Variants in PDE1A observed in about 807,000 individuals in gnomAD.
The protein encoded by PDE1A is phosphodiesterase 1A.
A neutral mutation model predicts 61.7 loss-of-function variants in PDE1A; 35 were observed. The ratio of observed to expected loss-of-function variants is 0.57; its 90% CI spans 0.43 to 0.75. The LOEUF (loss-of-function observed/expected upper bound fraction) is 0.75, where lower values mean the gene tolerates loss of function less well. Ranked by LOEUF, PDE1A falls within the 30% of genes least tolerant of loss-of-function variation. The pLI is 0.00. For missense variants in PDE1A, 597 were observed against 630.6 expected, an observed-to-expected ratio of 0.95 and a Z score of 0.57; for synonymous variants, 232 against 213.2, an observed-to-expected ratio of 1.09 and a Z score of -0.77.
At chr2:182,481,533 T>G (rs1687702301) in intron 2 of PDE1A, among the ~76,000 whole-genome samples, 1 of 151,922 alleles carries the variant, frequency 6.6e-6, no homozygotes, top group Non-Finnish European at 1.5e-5. Flanking sequence ...TAACTCAAAA[T>G]GGTAATGACT....
rs537403182 is a variant in PDE1A at position 182,153,620 on chromosome 2, T to C, written c.1517-6468A>G. Among the ~76,000 whole-genome samples, 9 of 152,256 alleles carry C rather than the reference T, an allele frequency of 5.9e-5. No individual in the cohort carries two copies. The East Asian group carries it at 1.7e-3, about 29-fold the overall frequency. On this transcript the variant is annotated intron_variant, in intron 13 of 13. Transcript: ENST00000409365. ...GATGATAAGAATGCACAGGCATTGA[T>C]TGAAGGTAGAGAAGTTGGGGGTGGC...
At chr2:182,294,949 G>A (rs1694775005) in intron 1 of PDE1A, among the ~76,000 whole-genome samples, 1 of 151,680 alleles carries the variant, frequency 6.6e-6, no homozygotes, top group Non-Finnish European at 1.5e-5. Context: ...GAGAAGGATA[G>A]GTAGTGCCCA....
the PDE1A span, among the ~76,000 whole-genome samples, chr2:182,632,010 TC>T: frequency 4.6e-5 from 7 of 152,228 alleles, no homozygotes; most frequent in Non-Finnish European, 1.0e-4. Flanking sequence ...ACTTTCTTTT[TC>T]CCTTTTTCAT....
chr2:182,482,580 C>A (rs887991508), intron 2 of PDE1A, among the ~76,000 whole-genome samples: 2 of 151,872 alleles, frequency 1.3e-5, no homozygotes, highest in Non-Finnish European at 1.5e-5. Context: ...ATCTAGAAAT[C>A]AACCACGGGC....
chr2:182,440,277 G>A (rs114475004), intron 2 of PDE1A, among the ~76,000 whole-genome samples: 262 of 152,044 alleles, frequency 1.7e-3, no homozygotes, highest in South Asian at 4.6e-3. Flanking sequence ...TGTTTCATTG[G>A]CTCAAAATGG....
At position 182,508,075 on chromosome 2, in the gene PDE1A, A is replaced by G. The variant is rs187182356; in HGVS notation, c.101+14201T>C. 2.6e-4 allele frequency among the ~76,000 whole-genome samples: 39 copies of G among 152,314 alleles called. 1 individual carries two copies. The East Asian group carries it at 7.3e-3, about 29-fold the overall frequency. On this transcript the variant is annotated intron_variant, in intron 2 of 14. Transcript: ENST00000410103. The stretch of plus-strand genomic sequence containing the variant: ...ACAAGAATAGAGTAGTAGCTTAAGC[A>G]AAAATAAAGTACCTAGATTTAATGG...
intron 2 of PDE1A, among the ~76,000 whole-genome samples, chr2:182,252,997 T>C (rs923584969): frequency 6.6e-6 from 1 of 152,232 alleles, no homozygotes; most frequent in African/African-American, 2.4e-5. Context: ...ACTTGATACT[T>C]GCTCAAGAAA....
the PDE1A span, among the ~76,000 whole-genome samples, chr2:182,636,881 G>C: frequency 2.9e-3 from 439 of 152,286 alleles, 1 homozygote; most frequent in African/African-American, 0.01. Flanking sequence ...CTGGCTGTCA[G>C]CAGGGGGCTG....
At chr2:182,705,714 A>C in the PDE1A span, among the ~76,000 whole-genome samples, 1 of 152,154 alleles carries the variant, frequency 6.6e-6, no homozygotes, top group Non-Finnish European at 1.5e-5. Flanking sequence ...AGGTTTTGCC[A>C]GGTTGACAAG....
intron 2 of PDE1A, among the ~76,000 whole-genome samples, chr2:182,259,868 T>C (rs73977325): frequency 0.048 from 7,278 of 152,264 alleles, 535 homozygotes; most frequent in African/African-American, 0.17. Context: ...ATAAGGACAA[T>C]CGAACATATT....
intron 1 of PDE1A, among the ~76,000 whole-genome samples, chr2:182,407,819 G>T (rs116418699): frequency 5.3e-5 from 8 of 152,072 alleles, no homozygotes; most frequent in Non-Finnish European, 7.4e-5. Context: ...AATTGGAAAC[G>T]CCCTGAAAGT....
the PDE1A span, among the ~76,000 whole-genome samples, chr2:182,709,952 A>G: frequency 6.6e-6 from 1 of 152,134 alleles, no homozygotes; most frequent in African/African-American, 2.4e-5. Flanking sequence ...GCTGGAGTGC[A>G]GTGGCATGAT....
At chr2:182,231,294 A>G (rs957978013) in intron 4 of PDE1A, among the ~76,000 whole-genome samples, 163 bp from the exon 5 acceptor site, 1 of 152,208 alleles carries the variant, frequency 6.6e-6, no homozygotes, top group Non-Finnish European at 1.5e-5. Context: ...CTTAGTATCC[A>G]TGGGTCCACA....
intron 2 of PDE1A, among the ~76,000 whole-genome samples, chr2:182,256,557 G>A (rs1034219335): frequency 6.6e-6 from 1 of 151,908 alleles, no homozygotes; most frequent in Non-Finnish European, 1.5e-5. Context: ...AAAGACACAT[G>A]CACACGTATG....
chr2:182,274,626 T>G (rs945424643), intron 1 of PDE1A, among the ~76,000 whole-genome samples: 2 of 152,146 alleles, frequency 1.3e-5, no homozygotes, highest in Admixed American at 6.6e-5. Flanking sequence ...CAACTTTTAT[T>G]GTGAAGGTTG....
chr2:182,175,180 T>C (rs1169717201), intron 13 of PDE1A, among the ~76,000 whole-genome samples: 1 of 152,210 alleles, frequency 6.6e-6, no homozygotes, highest in African/African-American at 2.4e-5. Flanking sequence ...GTCTTTGCTA[T>C]TGTGAACAGT....
intron 1 of PDE1A, among the ~76,000 whole-genome samples, chr2:182,336,757 TAAAGTA>T (rs1351661901): frequency 2.3e-5 from 2 of 86,790 alleles, no homozygotes; most frequent in African/African-American, 6.1e-5. Context: ...CCCCAGAACT[TAAAGTA>T]TATATATATA....
At chr2:182,265,026 T>C (rs776919679) in intron 1 of PDE1A, among the ~76,000 whole-genome samples, 6 of 151,626 alleles carry the variant, frequency 4.0e-5, no homozygotes, top group Non-Finnish European at 7.4e-5. Context: ...AAATATAGTA[T>C]GTTCTCACTT....
At chr2:182,147,077 G>T (rs201996832) in exon 14 of PDE1A, 146 of 1,590,604 alleles carry the variant, frequency 9.2e-5, no homozygotes, top group Non-Finnish European at 8.7e-5. Flanking sequence ...GGTGTTTCGG[G>T]CCTATGAATG....
Sources: gnomAD v4.1 joint callset for allele counts (sites outside exome capture counted in the v4.1 genomes callset) on GRCh38, gnomAD v4.1.1 for gene constraint, MANE v1.5 for transcripts, NCBI Gene and HGNC (gene_info 2026-07-23, HGNC 2026-07-21) for gene names.